UTRN: variants seen among roughly 807,000 people sequenced by gnomAD.
UTRN encodes utrophin, also known as dystrophin-related protein 1.
In UTRN, 283 loss-of-function variants were observed where a neutral mutation model predicts 463.9. The observed-to-expected ratio is 0.61, with a 90% CI of 0.55 to 0.67. The LOEUF (loss-of-function observed/expected upper bound fraction) is 0.67. UTRN is among the 30% of genes least tolerant of loss of function. The probability of loss-of-function intolerance (pLI) is 0.00; values close to 1 mark genes in which losing one functional copy is unlikely to be tolerated. For missense variants in UTRN, 3,922 were observed against 4,084.3 expected (o/e 0.96, Z 1.08); for synonymous variants, 1,442 against 1,431.5 (o/e 1.01, Z -0.17).
At chr6:144,296,979 G>A (rs1358559662) in intron 2 of UTRN, among the ~76,000 whole-genome samples, 1 of 152,170 alleles carries the variant, frequency 6.6e-6, no homozygotes, top group African/African-American at 2.4e-5. Flanking sequence ...AATACCAGAG[G>A]ACAAACAGTC....
chr6:144,550,929 T>G, intron 47 of UTRN, 36 bp from the exon 48 acceptor site: 1 of 1,543,560 alleles, frequency 6.5e-7, no homozygotes, highest in Non-Finnish European at 8.7e-7. Flanking sequence ...TCATATGGCT[T>G]ATTAACCTAT....
intron 54 of UTRN, among the ~76,000 whole-genome samples, chr6:144,730,851 T>C (rs1788444162): frequency 6.6e-6 from 1 of 151,244 alleles, no homozygotes. Flanking sequence ...ATATAATAAA[T>C]ATACAAAATA....
In UTRN at chr6:144,772,299, G is replaced by A. The variant is rs1455370597; in HGVS notation, c.8557+331G>A. ...TCCACCCGCCTCGGCCTCCCAAAGT[G>A]CTCCCGTGAGCCACTGTGCCCGGCC... On this transcript the variant is annotated intron_variant, in intron 59 of 74. Transcript: ENST00000367545. 2.0e-5 allele frequency among the ~76,000 whole-genome samples: 3 copies of A among 151,936 alleles called. 1 individual carries two copies. Among genetic ancestry groups the A allele is most frequent in the Admixed American group, 1.3e-4 (2 of 15,252 alleles).
At chr6:144,372,064 G>T (rs1304789919) in intron 2 of UTRN, among the ~76,000 whole-genome samples, 1 of 152,222 alleles carries the variant, frequency 6.6e-6, no homozygotes, top group Non-Finnish European at 1.5e-5. Context: ...TCCTTTTAAG[G>T]CTGAATGTGC....
chr6:144,422,406 C>T (rs1784906394), intron 4 of UTRN, among the ~76,000 whole-genome samples: 4 of 152,216 alleles, frequency 2.6e-5, no homozygotes, highest in Admixed American at 1.3e-4. Context: ...TGCCTGAGCT[C>T]AGCAGTTCGA....
At position 144,548,697 on chromosome 6, in the gene UTRN, A is replaced by C. The variant is rs764143185; in HGVS notation, c.6653A>C (p.Gln2218Pro). Reference protein sequence around the residue: ...LVSSASDIPVQSHRTSEISIP... With the variant: ...LVSSASDIPVPSHRTSEISIP... ...TCATCTGCGTCAGATATTCCTGTTC[A>C]GTCTCATCGTACTTCGGAAATTTCA... Residue 2218 changes from glutamine to proline, a missense_variant, in exon 47 of 75, where the codon CAG becomes CCG. Physicochemically the swap from Gln to Pro is moderately conservative, Grantham distance 76 (BLOSUM62 -1). Transcript: ENST00000367545. 5 of 1,614,076 alleles carry C rather than the reference A, an allele frequency of 3.1e-6. No homozygotes were observed. Among genetic ancestry groups the C allele is most frequent in the Non-Finnish European group, 4.2e-6 (5 of 1,179,964 alleles).
chr6:144,457,298 G>T (rs921748747), intron 19 of UTRN, among the ~76,000 whole-genome samples: 5 of 152,192 alleles, frequency 3.3e-5, no homozygotes, highest in Non-Finnish European at 5.9e-5. Flanking sequence ...AACTGAAGTT[G>T]TTTTAACCGC....
At position 144,408,073 on chromosome 6, in the gene UTRN, G is replaced by T. The variant is rs147246258; in HGVS notation, c.141+4889G>T. Among the ~76,000 whole-genome samples the T allele has an allele frequency of 7.7e-3, 1,168 of 152,268 alleles. 2 individuals are homozygous for T. The highest frequency in any genetic ancestry group is 0.012 in the Non-Finnish European group (805 of 68,032). On this transcript the variant is annotated intron_variant, in intron 3 of 74. Transcript: ENST00000367545. ...ATCATTATTACCTTCCTTATATCGTGAAGAAATATTGAGGCATTGCTGAGA... is the reference window on the plus strand; with the variant it reads ...ATCATTATTACCTTCCTTATATCGTTAAGAAATATTGAGGCATTGCTGAGA...
chr6:144,797,824 A>T lies in UTRN; in HGVS notation c.9079A>T (p.Asn3027Tyr), dbSNP rs1351405134. The change falls in exon 64 of 75, where the codon AAT becomes TAT. Residue 3027 changes from asparagine (N) to tyrosine (Y), a missense_variant and splice_region_variant. Asn to Tyr is a moderately radical substitution (Grantham distance 143). Coordinates refer to ENST00000367545, the MANE Select transcript of UTRN (RefSeq NM_007124.3). ...EPSVRSCFQQNNNKPEISVKE... is the reference protein window; with the variant it reads ...EPSVRSCFQQYNNKPEISVKE... The stretch of plus-strand genomic sequence containing the variant: ...TTTAATATATTTCTTTTTTCACCAG[A>T]ATAACAATAAACCAGAAATAAGTGT... 3.7e-6 allele frequency: 6 copies of T among 1,612,328 alleles called. No individual in the cohort carries two copies. The highest frequency in any genetic ancestry group is 4.2e-6 in the Non-Finnish European group (5 of 1,179,044).
intron 2 of UTRN, among the ~76,000 whole-genome samples, chr6:144,331,236 G>A (rs1390890677): frequency 6.6e-6 from 1 of 152,122 alleles, no homozygotes; most frequent in African/African-American, 2.4e-5. Context: ...ATCTAACAAG[G>A]TCAGTCATTA....
chr6:144,582,315 A>G (rs939555155), intron 51 of UTRN, among the ~76,000 whole-genome samples: 3 of 152,198 alleles, frequency 2.0e-5, no homozygotes, highest in Non-Finnish European at 2.9e-5. Flanking sequence ...GACACTGATA[A>G]TGAGCAACAT....
At chr6:144,508,547 C>G (rs758720416) in intron 34 of UTRN, among the ~76,000 whole-genome samples, 1 of 152,174 alleles carries the variant, frequency 6.6e-6, no homozygotes, top group Non-Finnish European at 1.5e-5. Context: ...CGACACCCTC[C>G]GTGGGCTGCA....
chr6:144,386,297 A>G (rs960986816), intron 2 of UTRN, among the ~76,000 whole-genome samples: 2 of 152,086 alleles, frequency 1.3e-5, no homozygotes, highest in Non-Finnish European at 2.9e-5. Flanking sequence ...CCTCGTGTCT[A>G]CAGAAAAATA....
At chr6:144,825,845 T>C (rs558283395) in intron 66 of UTRN, among the ~76,000 whole-genome samples, 2 of 152,150 alleles carry the variant, frequency 1.3e-5, no homozygotes, top group South Asian at 4.2e-4. Context: ...TAATACTATG[T>C]TGTTTTATTG....
intron 28 of UTRN, among the ~76,000 whole-genome samples, chr6:144,487,313 A>AT (rs1792561387): frequency 6.6e-6 from 1 of 152,112 alleles, no homozygotes; most frequent in Non-Finnish European, 1.5e-5. Context: ...AGTTGAAATT[A>AT]TTTTTGTGAA....
intron 9 of UTRN, among the ~76,000 whole-genome samples, chr6:144,430,324 T>G (rs1222643914): frequency 6.6e-6 from 1 of 152,198 alleles, no homozygotes; most frequent in Non-Finnish European, 1.5e-5. Flanking sequence ...ATAATTTATT[T>G]TCTTCCTTAG....
chr6:144,841,218 T>C (rs1028007812), intron 73 of UTRN, among the ~76,000 whole-genome samples: 1 of 152,244 alleles, frequency 6.6e-6, no homozygotes, highest in Non-Finnish European at 1.5e-5. Context: ...AAACAGCCTT[T>C]CTAGTGTAAT....
At chr6:144,778,357 C>T (rs918799952) in intron 60 of UTRN, among the ~76,000 whole-genome samples, 2 of 151,988 alleles carry the variant, frequency 1.3e-5, no homozygotes, top group Non-Finnish European at 2.9e-5. Flanking sequence ...ACAAGAAGGC[C>T]AGGCCTTTAT....
At chr6:144,846,781 G>C (rs762739678) in intron 73 of UTRN, 24 bp from the exon 74 acceptor site, 2 of 1,613,944 alleles carry the variant, frequency 1.2e-6, no homozygotes, top group Admixed American at 1.7e-5. Flanking sequence ...GCCATTAAGT[G>C]ATTTCTTTTG....
Sources: allele counts gnomAD v4.1 joint callset (sites outside exome capture counted in the v4.1 genomes callset), GRCh38; gene constraint gnomAD v4.1.1; transcripts MANE v1.5; gene names NCBI Gene and HGNC (gene_info 2026-07-23, HGNC 2026-07-21).